Variants in COL22A1 observed in about 807,000 individuals in gnomAD.
COL22A1 encodes the protein collagen alpha-1(XXII) chain.
Under a neutral mutation model 248.9 loss-of-function variants are expected in COL22A1, and 221 were observed. That is an observed-to-expected ratio of 0.89 (90% CI 0.80 to 0.99). The LOEUF is 0.99. Among genes scored for constraint, COL22A1 ranks in the 50% least tolerant of loss-of-function variants. COL22A1 has a pLI of 0.00. For synonymous variants in COL22A1, 891 were observed against 793.4 expected (o/e 1.12, Z -2.07); for missense variants, 2,240 against 2,179.0 (o/e 1.03, Z -0.56).
At position 138,904,816 on chromosome 8, in the gene COL22A1, C is replaced by T. The variant is rs1587010282; in HGVS notation, c.-73+8803G>A. Among the ~76,000 whole-genome samples, 4 of 152,276 alleles carry T rather than the reference C, an allele frequency of 2.6e-5. No homozygotes were observed. In the South Asian group the frequency reaches 8.3e-4, roughly 32 times the overall value. Reference sequence around the variant, plus strand: ...TTGGAGGTGCCATCCCAGCAGGCTCCCCTTTTTCTGGGAGAGAATAATGAG... The same window carrying T: ...TTGGAGGTGCCATCCCAGCAGGCTCTCCTTTTTCTGGGAGAGAATAATGAG... On this transcript the variant is annotated intron_variant, in intron 1 of 64. Coordinates refer to ENST00000303045, the MANE Select transcript of COL22A1 (RefSeq NM_152888.3).
intron 48 of COL22A1, among the ~76,000 whole-genome samples, chr8:138,635,295 G>A (rs1821052645): frequency 6.6e-6 from 1 of 152,116 alleles, no homozygotes; most frequent in Non-Finnish European, 1.5e-5. Context: ...AATAATGTGT[G>A]GGCAGGGGGT....
At chr8:138,748,970 C>T (rs896784886) in intron 22 of COL22A1, among the ~76,000 whole-genome samples, 5 of 152,124 alleles carry the variant, frequency 3.3e-5, no homozygotes, top group African/African-American at 7.2e-5. Context: ...GGGGCAGTTT[C>T]CCCCATACTA....
chr8:138,721,602 AT>A (rs59471675), intron 26 of COL22A1, among the ~76,000 whole-genome samples: 14,645 of 150,912 alleles, frequency 0.097, 889 homozygotes, highest in African/African-American at 0.16. Context: ...AACAGATCAA[AT>A]TTTTTTTTTG....
intron 62 of COL22A1, among the ~76,000 whole-genome samples, 154 bp from the exon 63 acceptor site, chr8:138,594,353 A>G (rs139744602): frequency 1.3e-5 from 2 of 151,478 alleles, no homozygotes; most frequent in Non-Finnish European, 1.5e-5. Context: ...CTCAGAACCA[A>G]GGGGCCGATA....
intron 30 of COL22A1, among the ~76,000 whole-genome samples, chr8:138,706,929 A>G (rs944175394): frequency 6.6e-6 from 1 of 152,208 alleles, no homozygotes; most frequent in African/African-American, 2.4e-5. Context: ...AATCAAATAG[A>G]TGCAATAAAA....
At chr8:138,777,256 G>T (rs897052931) in intron 15 of COL22A1, among the ~76,000 whole-genome samples, 2 of 152,210 alleles carry the variant, frequency 1.3e-5, no homozygotes, top group African/African-American at 4.8e-5. Context: ...CCTAGAGAGA[G>T]TACAGGGCCA....
chr8:138,743,769 G>A (rs1431341841), intron 22 of COL22A1, among the ~76,000 whole-genome samples: 1 of 152,122 alleles, frequency 6.6e-6, no homozygotes, highest in Non-Finnish European at 1.5e-5. Flanking sequence ...TATCAAGAGG[G>A]CAGATTTTTC....
At chr8:138,597,997 C>T (rs1033245784) in intron 61 of COL22A1, among the ~76,000 whole-genome samples, 3 of 152,158 alleles carry the variant, frequency 2.0e-5, no homozygotes, top group Admixed American at 6.5e-5. Context: ...GGAGGTCATC[C>T]AGACCTGGGC....
intron 7 of COL22A1, among the ~76,000 whole-genome samples, chr8:138,819,692 GTA>G (rs1388766708): frequency 2.1e-4 from 31 of 147,452 alleles, no homozygotes; most frequent in South Asian, 4.2e-4. Context: ...TATAATGTAT[GTA>G]TATGTTTATA....
chr8:138,697,855 G>T (rs62527941), intron 32 of COL22A1, among the ~76,000 whole-genome samples: 9,411 of 152,276 alleles, frequency 0.062, 392 homozygotes, highest in Non-Finnish European at 0.093. Flanking sequence ...GACGAAGCCA[G>T]TCCCGGGGAG....
intron 30 of COL22A1, among the ~76,000 whole-genome samples, chr8:138,712,424 G>A (rs1563651732): frequency 6.6e-6 from 1 of 152,120 alleles, no homozygotes; most frequent in Non-Finnish European, 1.5e-5. Flanking sequence ...CTTACTCAGG[G>A]TGGGACTCCC....
At chr8:138,680,431 C>A (rs1825871086) in intron 39 of COL22A1, among the ~76,000 whole-genome samples, 1 of 152,112 alleles carries the variant, frequency 6.6e-6, no homozygotes, top group Non-Finnish European at 1.5e-5. Flanking sequence ...GGATTCTAAC[C>A]CAGTTCTGTA....
intron 16 of COL22A1, among the ~76,000 whole-genome samples, chr8:138,766,816 C>A (rs1586690645): frequency 6.6e-6 from 1 of 152,322 alleles, no homozygotes; most frequent in Middle Eastern, 3.4e-3. Flanking sequence ...ATAGTGTGGG[C>A]CCATCCTGAG....
intron 37 of COL22A1, among the ~76,000 whole-genome samples, chr8:138,685,523 C>A (rs1411640514): frequency 1.3e-5 from 2 of 152,154 alleles, no homozygotes; most frequent in Non-Finnish European, 2.9e-5. Context: ...GAAGTCCTAA[C>A]CCCTACTACT....
intron 62 of COL22A1, among the ~76,000 whole-genome samples, chr8:138,595,789 T>A (rs1217409067): frequency 6.6e-6 from 1 of 152,126 alleles, no homozygotes; most frequent in East Asian, 1.9e-4. Context: ...TGAGACATGA[T>A]CATGTGAATA....
At chr8:138,846,031 G>A (rs1821217163) in intron 3 of COL22A1, among the ~76,000 whole-genome samples, 1 of 152,170 alleles carries the variant, frequency 6.6e-6, no homozygotes, top group South Asian at 2.1e-4. Flanking sequence ...GATTTGGAAG[G>A]AGGTATTTTT....
At chr8:138,806,251 T>C (rs1177267405) in intron 10 of COL22A1, among the ~76,000 whole-genome samples, 1 of 137,008 alleles carries the variant, frequency 7.3e-6, no homozygotes, top group African/African-American at 2.7e-5. Flanking sequence ...TACGTGTGTA[T>C]ATATGTGTGA....
At chr8:138,780,604 C>G (rs1814876603) in intron 13 of COL22A1, among the ~76,000 whole-genome samples, 1 of 152,166 alleles carries the variant, frequency 6.6e-6, no homozygotes, top group Admixed American at 6.5e-5. Context: ...AAACTGGGGT[C>G]TTAAGCAAAT....
chr8:138,855,312 T>C (rs35339221), intron 3 of COL22A1, among the ~76,000 whole-genome samples: 83,169 of 152,024 alleles, frequency 0.55, 23,597 homozygotes, highest in East Asian at 0.74. Flanking sequence ...TTGGAATAAA[T>C]GAGGGAAATA....
Sources: allele counts gnomAD v4.1 joint callset (sites outside exome capture counted in the v4.1 genomes callset), GRCh38; gene constraint gnomAD v4.1.1; transcripts MANE v1.5; gene names NCBI Gene and HGNC (gene_info 2026-07-23, HGNC 2026-07-21).